SCFD2: variants seen among roughly 807,000 people sequenced by gnomAD.
SCFD2 encodes the protein sec1 family domain containing 2.
A neutral mutation model predicts 58.9 loss-of-function variants in SCFD2; 54 were observed. That is an observed-to-expected ratio of 0.92 (90% CI 0.74 to 1.15). The LOEUF is 1.15. Among genes scored for constraint, SCFD2 ranks in the 50% most tolerant of loss-of-function variants. SCFD2 has a pLI of 0.00. For synonymous variants in SCFD2, 321 were observed against 335.9 expected (o/e 0.96, Z 0.49); for missense variants, 805 against 836.6 (o/e 0.96, Z 0.47).
intron 4 of SCFD2, among the ~76,000 whole-genome samples, chr4:53,180,424 G>A (rs1727508736): frequency 6.6e-6 from 1 of 152,038 alleles, no homozygotes; most frequent in Non-Finnish European, 1.5e-5. Context: ...TGAAATGAAG[G>A]CAGAAATAAA....
chr4:53,077,182 C>T (rs749953964), intron 5 of SCFD2, among the ~76,000 whole-genome samples: 8 of 152,068 alleles, frequency 5.3e-5, no homozygotes, highest in Non-Finnish European at 8.8e-5. Context: ...AAAATAACAA[C>T]ATAAAAATAG....
At chr4:53,284,527 A>C (rs1451958596) in intron 3 of SCFD2, among the ~76,000 whole-genome samples, 1 of 146,902 alleles carries the variant, frequency 6.8e-6, no homozygotes. Flanking sequence ...CTGACATAAA[A>C]TAATATGTCT....
intron 7 of SCFD2, among the ~76,000 whole-genome samples, chr4:52,899,765 T>G (rs1318816790): frequency 1.3e-5 from 2 of 152,278 alleles, no homozygotes; most frequent in African/African-American, 4.8e-5. Flanking sequence ...GGTTCCATTC[T>G]TCCCGTCACT....
intron 8 of SCFD2, among the ~76,000 whole-genome samples, chr4:52,880,424 TG>T (rs1353332851): frequency 2.0e-5 from 3 of 151,774 alleles, no homozygotes; most frequent in Non-Finnish European, 4.4e-5. Context: ...AAGACCAGCC[TG>T]GCCAACACTG....
chr4:52,988,664 C>T (rs1319163518), intron 5 of SCFD2, among the ~76,000 whole-genome samples: 1 of 152,162 alleles, frequency 6.6e-6, no homozygotes, highest in Non-Finnish European at 1.5e-5. Flanking sequence ...GCCAAACCTC[C>T]ATTTTAATAG....
At chr4:53,293,780 G>A (rs1731925757) in intron 3 of SCFD2, among the ~76,000 whole-genome samples, 1 of 151,964 alleles carries the variant, frequency 6.6e-6, no homozygotes, top group Admixed American at 6.6e-5. Flanking sequence ...TGTGCAGAAC[G>A]TGCAGGTTTG....
chr4:53,279,868 A>T lies in SCFD2; in HGVS notation c.1136-5867T>A, dbSNP rs555394516. On this transcript the variant is annotated intron_variant, in intron 3 of 8. Coordinates refer to ENST00000401642, the MANE Select transcript of SCFD2 (RefSeq NM_152540.4). ...AGAAGCAACAGCCCCTTATAAAACC[A>T]TCATGTCTTGTGAGAACTCACTATC... Among the ~76,000 whole-genome samples, 6 of 152,286 alleles carry T rather than the reference A, an allele frequency of 3.9e-5. No individual in the cohort carries two copies. The South Asian group carries it at 1.2e-3, about 32-fold the overall frequency.
At chr4:53,228,830 T>A (rs1276496868) in intron 4 of SCFD2, among the ~76,000 whole-genome samples, 4 of 152,210 alleles carry the variant, frequency 2.6e-5, no homozygotes, top group Non-Finnish European at 5.9e-5. Flanking sequence ...GAATTCAAAT[T>A]GTCCCTGTTT....
intron 2 of SCFD2, among the ~76,000 whole-genome samples, chr4:53,322,753 A>G (rs567518142): frequency 2.0e-5 from 3 of 152,350 alleles, no homozygotes; most frequent in Non-Finnish European, 4.4e-5. Flanking sequence ...TTCTGACTCT[A>G]AAGGATATAC....
At chr4:52,904,567 G>A (rs538212233) in intron 7 of SCFD2, among the ~76,000 whole-genome samples, 1 of 152,340 alleles carries the variant, frequency 6.6e-6, no homozygotes, top group South Asian at 2.1e-4. Flanking sequence ...TGAGGTAGCA[G>A]CAGATGACCT....
chr4:52,888,824 AAT>A (rs1331725335), intron 7 of SCFD2, among the ~76,000 whole-genome samples: 2 of 152,184 alleles, frequency 1.3e-5, no homozygotes, highest in Non-Finnish European at 2.9e-5. Flanking sequence ...ATGTGCCTTC[AAT>A]ATCTTTTATG....
At chr4:53,067,370 G>A (rs899642998) in intron 5 of SCFD2, among the ~76,000 whole-genome samples, 2 of 151,980 alleles carry the variant, frequency 1.3e-5, no homozygotes, top group East Asian at 1.9e-4. Flanking sequence ...GGCTCTCTGG[G>A]GTCAAGATCA....
rs56720104 is a variant in SCFD2, at chr4:53,086,819, G to T, written c.1561+58514C>A. Among the ~76,000 whole-genome samples, 1,439 of 152,240 alleles carry T rather than the reference G, an allele frequency of 9.5e-3. 23 individuals are homozygous for T. Among genetic ancestry groups the T allele is most frequent in the African/African-American group, 0.033 (1,355 of 41,556 alleles). ...TGTAGGTTCTCACTTATTTGTGGGT[G>T]CCAAAAATCAAAACAATTGAACTCA... is the stretch of plus-strand genomic sequence containing the variant. On this transcript the variant is annotated intron_variant, in intron 5 of 8. Coordinates refer to ENST00000401642, the MANE Select transcript of SCFD2 (RefSeq NM_152540.4).
Position 53,207,829 on chromosome 4 carries a change from A to G in SCFD2, c.1312-62247T>C, listed in dbSNP as rs540182959. On this transcript the variant is annotated intron_variant, in intron 4 of 8. Coordinates refer to ENST00000401642, the MANE Select transcript of SCFD2 (RefSeq NM_152540.4). ...GTCTGCTTCCCCTCTGCCTTCCACC[A>G]TGATTGTAAGTTTCTTGAGGCCTCC... 3.3e-5 allele frequency among the ~76,000 whole-genome samples: 5 copies of G among 150,898 alleles called. 1 individual carries two copies. Among genetic ancestry groups the G allele is most frequent in the Admixed American group, 6.6e-5 (1 of 15,066 alleles).
At chr4:53,240,938 T>C (rs184738468) in intron 4 of SCFD2, among the ~76,000 whole-genome samples, 74 of 152,222 alleles carry the variant, frequency 4.9e-4, no homozygotes, top group Admixed American at 9.8e-4. Flanking sequence ...GACCAGGACA[T>C]CAGGAAGACT....
In SCFD2 at chr4:53,145,644, C is replaced by T. The variant is rs1726307400; in HGVS notation, c.1312-62G>A. ...GTATAAAGACATAATTTATGGATTA[C>T]ATTAGTCGAATGATAGCTTTCAAAC... On this transcript the variant is annotated intron_variant, in intron 4 of 8. Transcript: ENST00000401642. 2.8e-6 allele frequency: 4 copies of T among 1,442,254 alleles called. No homozygotes were observed. In the Admixed American group the frequency reaches 5.6e-5, roughly 20 times the overall value. The allele number at this position is 1,442,254 out of a possible 1,614,324, so 89.3% of individuals were successfully genotyped here.
chr4:52,942,813 G>A (rs1344439532), intron 5 of SCFD2, among the ~76,000 whole-genome samples: 2 of 152,110 alleles, frequency 1.3e-5, no homozygotes, highest in Non-Finnish European at 2.9e-5. Flanking sequence ...GGCTAGCAGT[G>A]GCTTGGCCTT....
chr4:52,976,028 T>TGG (rs982435574), intron 5 of SCFD2, among the ~76,000 whole-genome samples: 1 of 54,944 alleles, frequency 1.8e-5, no homozygotes, highest in African/African-American at 7.7e-5. Flanking sequence ...TGTTGTGGGG[T>TGG]GGGGGGAGGG....
At chr4:53,154,739 A>G (rs1726613903) in intron 4 of SCFD2, among the ~76,000 whole-genome samples, 1 of 152,254 alleles carries the variant, frequency 6.6e-6, no homozygotes. Context: ...TGAAGGTTGC[A>G]GATCTTCAGA....
Sources: allele counts gnomAD v4.1 joint callset (sites outside exome capture counted in the v4.1 genomes callset), GRCh38; gene constraint gnomAD v4.1.1; transcripts MANE v1.5; gene names NCBI Gene and HGNC (gene_info 2026-07-23, HGNC 2026-07-21).